The following COL28A1 variants were observed in gnomAD, a reference collection of about 807,000 sequenced individuals.
COL28A1 encodes collagen type XXVIII alpha 1 chain, also known as collagen alpha-1(XXVIII) chain.
COL28A1 carries 161 observed loss-of-function variants against 150.2 expected under a neutral mutation model. The observed-to-expected ratio is 1.07, with a 90% CI of 0.94 to 1.22. COL28A1 has a LOEUF of 1.22. COL28A1 is among the 50% of genes most tolerant of loss of function. The probability of loss-of-function intolerance (pLI) is 0.00; values close to 1 mark genes in which losing one functional copy is unlikely to be tolerated. For missense variants in COL28A1, 1,617 were observed against 1,388.3 expected, an observed-to-expected ratio of 1.16 and a Z score of -2.62; for synonymous variants, 552 against 469.7, an observed-to-expected ratio of 1.18 and a Z score of -2.26.
At position 7,531,511 on chromosome 7, in the gene COL28A1, C is replaced by T; in HGVS notation, c.518G>A (p.Ser173Asn). 1 of 1,612,288 alleles carries T rather than the reference C, an allele frequency of 6.2e-7. No homozygotes were observed. ...IDHPKNPDVQ[S>N]ISEDARISGI... ...TGAAATTCTGGCATCTTCAGAAATACTTTGAACATCTGGATTCTTTGGATG... is the reference window on the plus strand; with the variant it reads ...TGAAATTCTGGCATCTTCAGAAATATTTTGAACATCTGGATTCTTTGGATG... The change falls in exon 3 of 35, where the codon AGT (serine) becomes AAT (asparagine). Residue 173 changes from serine (S) to asparagine (N), a missense_variant. Transcript: ENST00000399429.
chr7:7,479,787 C>G (rs546019054), intron 13 of COL28A1, among the ~76,000 whole-genome samples: 4 of 152,208 alleles, frequency 2.6e-5, no homozygotes, highest in Non-Finnish European at 4.4e-5. Flanking sequence ...AATGGACTTG[C>G]AGAAAATGTA....
At chr7:7,411,818 G>A (rs1030203276) in intron 27 of COL28A1, among the ~76,000 whole-genome samples, 3 of 152,132 alleles carry the variant, frequency 2.0e-5, no homozygotes, top group African/African-American at 7.2e-5. Flanking sequence ...TTTTAGGATA[G>A]GATAAAATAA....
chr7:7,419,849 C>G (rs769013576), intron 26 of COL28A1, 36 bp downstream of exon 26: 2 of 1,411,798 alleles, frequency 1.4e-6, no homozygotes, highest in Non-Finnish European at 1.9e-6. Context: ...CTGATGATAT[C>G]TGACCCTCAC....
intron 11 of COL28A1, among the ~76,000 whole-genome samples, chr7:7,496,833 A>G (rs1281984226): frequency 1.3e-5 from 2 of 152,156 alleles, no homozygotes; most frequent in Admixed American, 6.5e-5. Flanking sequence ...TATGCATGGG[A>G]CCAACTTTAA....
At chr7:7,400,950 G>T (rs13230887) in intron 27 of COL28A1, among the ~76,000 whole-genome samples, 140,672 of 149,242 alleles carry the variant, frequency 0.94, 66,393 homozygotes, top group East Asian at 1. Context: ...CTCTCCCCTC[G>T]TCCCATAGGA....
intron 8 of COL28A1, among the ~76,000 whole-genome samples, chr7:7,514,736 T>C (rs961052045): frequency 6.6e-6 from 1 of 152,140 alleles, no homozygotes; most frequent in Admixed American, 6.5e-5. Flanking sequence ...CATAGCCCCC[T>C]GCAGCCTGGC....
At chr7:7,339,640 A>G in the COL28A1 span, among the ~76,000 whole-genome samples, 1 of 152,002 alleles carries the variant, frequency 6.6e-6, no homozygotes, top group Non-Finnish European at 1.5e-5. Context: ...TCATTCATTC[A>G]TTTTCTTGCA....
At chr7:7,439,013 A>T (rs7802944) in intron 21 of COL28A1, among the ~76,000 whole-genome samples, 28,601 of 152,198 alleles carry the variant, frequency 0.19, 3,116 homozygotes, top group African/African-American at 0.3. Context: ...AATGAGCTGT[A>T]TCTATGCTAT....
chr7:7,542,820 C>G, the COL28A1 span, among the ~76,000 whole-genome samples: 1 of 152,018 alleles, frequency 6.6e-6, no homozygotes, highest in African/African-American at 2.4e-5. Flanking sequence ...TACTATGACA[C>G]CAATGAGAGA....
intron 25 of COL28A1, among the ~76,000 whole-genome samples, chr7:7,426,313 C>A (rs1344016969): frequency 6.6e-6 from 1 of 152,320 alleles, no homozygotes; most frequent in East Asian, 1.9e-4. Flanking sequence ...CTACCACAAA[C>A]ATAGGCAGAA....
Position 7,521,910 on chromosome 7 carries a change from G to T in COL28A1, c.754C>A (p.Pro252Thr). The change falls in exon 5 of 35, where the codon CCT (proline) becomes ACT (threonine). Residue 252 changes from proline (P) to threonine (T), a missense_variant. Pro to Thr is a conservative substitution (Grantham distance 38). Transcript: ENST00000399429. Reference sequence around the variant, plus strand: ...CAAAGTGGAAGTATACTCACAGGAGGCCCTGGATCACCTGGATCTCCCTTC... The same window carrying T: ...CAAAGTGGAAGTATACTCACAGGAGTCCCTGGATCACCTGGATCTCCCTTC... The part of the protein sequence containing the change: ...CEKGDPGDPG[P>T]PGTHGNPGIK... The T allele has an allele frequency of 9.3e-7, 1 of 1,074,278 alleles. No homozygotes were observed. Among genetic ancestry groups the T allele is most frequent in the Non-Finnish European group, 1.5e-6 (1 of 686,192 alleles). 66.5% of individuals were successfully genotyped at this position (1,074,278 alleles called of 1,614,324 possible). A position where few individuals can be genotyped will look rare whatever the true frequency, so the allele number is the denominator to read the frequency against.
intron 15 of COL28A1, among the ~76,000 whole-genome samples, chr7:7,465,039 C>G (rs957422747): frequency 6.6e-6 from 1 of 152,108 alleles, no homozygotes; most frequent in African/African-American, 2.4e-5. Context: ...CACCTTTATG[C>G]GCATAAACTA....
the COL28A1 span, among the ~76,000 whole-genome samples, chr7:7,340,982 G>A: frequency 6.6e-6 from 1 of 152,132 alleles, no homozygotes; most frequent in Non-Finnish European, 1.5e-5. Flanking sequence ...TAAGGTCCAA[G>A]CCCTTCTCTT....
upstream of COL28A1, among the ~76,000 whole-genome samples, chr7:7,539,000 T>C (rs918359788): frequency 2.0e-5 from 3 of 152,064 alleles, no homozygotes; most frequent in South Asian, 2.1e-4. Flanking sequence ...TTTTTGTCAG[T>C]AGAAAAGCTT....
chr7:7,505,551 A>G (rs1479074369), intron 11 of COL28A1, among the ~76,000 whole-genome samples: 1 of 152,160 alleles, frequency 6.6e-6, no homozygotes, highest in African/African-American at 2.4e-5. Context: ...TACTACAAGC[A>G]TGGTGCTGAT....
chr7:7,411,735 T>G (rs992997665), intron 27 of COL28A1, among the ~76,000 whole-genome samples: 1 of 152,164 alleles, frequency 6.6e-6, no homozygotes, highest in African/African-American at 2.4e-5. Context: ...ACTGACAATT[T>G]CTAAGTCATC....
chr7:7,394,205 G>C (rs1782714543), intron 27 of COL28A1, among the ~76,000 whole-genome samples: 1 of 152,092 alleles, frequency 6.6e-6, no homozygotes, highest in African/African-American at 2.4e-5. Context: ...CTGACCCCTT[G>C]TGCTTTCCAG....
rs927127766 is a variant in COL28A1, at chr7:7,366,960, CTA to C, written c.3066+3763_3066+3764del. Among the ~76,000 whole-genome samples the C allele has an allele frequency of 3.5e-4, 54 of 152,340 alleles. 1 individual carries two copies. The highest frequency in any genetic ancestry group is 1.3e-3 in the African/African-American group (52 of 41,558). Reference sequence around the variant, plus strand: ...GTTCTTGTATGTGTGTATGTATATACTATGTGTGTGTGTGTGCGCGCGTGCAT... The same window carrying C: ...GTTCTTGTATGTGTGTATGTATATACTGTGTGTGTGTGTGCGCGCGTGCAT... On this transcript the variant is annotated intron_variant, in intron 33 of 34. Coordinates refer to ENST00000399429, the MANE Select transcript of COL28A1 (RefSeq NM_001037763.3).
chr7:7,529,623 C>T (rs1782233455), intron 3 of COL28A1, among the ~76,000 whole-genome samples: 1 of 152,176 alleles, frequency 6.6e-6, no homozygotes, highest in African/African-American at 2.4e-5. Flanking sequence ...CAGGTGCTCT[C>T]AGCGAGGGTG....
Sources: gnomAD v4.1 joint callset for allele counts (sites outside exome capture counted in the v4.1 genomes callset) on GRCh38, gnomAD v4.1.1 for gene constraint, MANE v1.5 for transcripts, NCBI Gene and HGNC (gene_info 2026-07-23, HGNC 2026-07-21) for gene names.